The following OPCML variants were observed in gnomAD, a reference collection of about 807,000 sequenced individuals.
The protein encoded by OPCML is opioid binding protein/cell adhesion molecule like.
A neutral mutation model predicts 37.8 loss-of-function variants in OPCML; 13 were observed. That is an observed-to-expected ratio of 0.34 (90% CI 0.22 to 0.55). The LOEUF is 0.55. Among genes scored for constraint, OPCML ranks in the 20% least tolerant of loss-of-function variants. The pLI, the probability that OPCML is intolerant of heterozygous loss-of-function variation, is 0.91. For synonymous variants in OPCML, 176 were observed against 168.8 expected, an observed-to-expected ratio of 1.04 and a Z score of -0.33; for missense variants, 341 against 435.6, an observed-to-expected ratio of 0.78 and a Z score of 1.93.
chr11:133,445,726 C>T (rs1946461017), intron 1 of OPCML, among the ~76,000 whole-genome samples: 1 of 152,266 alleles, frequency 6.6e-6, no homozygotes, highest in South Asian at 2.1e-4. Context: ...AGAAAGTTGT[C>T]CTTGAACTGG....
chr11:132,992,585 T>C (rs1946802322), intron 1 of OPCML, among the ~76,000 whole-genome samples: 1 of 152,062 alleles, frequency 6.6e-6, no homozygotes, highest in Admixed American at 6.5e-5. Context: ...TATTCTTGTG[T>C]GTGTATCGGG....
intron 1 of OPCML, among the ~76,000 whole-genome samples, chr11:133,246,844 A>G (rs1940942796): frequency 6.6e-6 from 1 of 152,238 alleles, no homozygotes; most frequent in African/African-American, 2.4e-5. Flanking sequence ...AATGGTCAGT[A>G]GAAGACAAAT....
intron 3 of OPCML, among the ~76,000 whole-genome samples, chr11:132,541,765 C>T (rs1168761426): frequency 6.6e-6 from 1 of 152,144 alleles, no homozygotes; most frequent in Admixed American, 6.5e-5. Context: ...CTGCAGAACC[C>T]AAGGTTTCAG....
chr11:132,832,925 T>C (rs1940783056), intron 2 of OPCML, among the ~76,000 whole-genome samples: 1 of 125,946 alleles, frequency 7.9e-6, no homozygotes, highest in Non-Finnish European at 1.9e-5. Context: ...GATAAAAAGA[T>C]TTTTTTTTAA....
At chr11:132,898,895 T>C (rs1050766701) in intron 2 of OPCML, among the ~76,000 whole-genome samples, 1 of 147,778 alleles carries the variant, frequency 6.8e-6, no homozygotes, top group African/African-American at 2.6e-5. Context: ...CAACTGGCTA[T>C]GTTATGGTGC....
At chr11:133,492,804 C>A (rs1226214203) in intron 1 of OPCML, among the ~76,000 whole-genome samples, 1 of 151,408 alleles carries the variant, frequency 6.6e-6, no homozygotes, top group Non-Finnish European at 1.5e-5. Context: ...CTAATGGAAA[C>A]TTGAGGGAAT....
At chr11:132,904,331 T>G (rs1944161857) in intron 2 of OPCML, among the ~76,000 whole-genome samples, 1 of 152,186 alleles carries the variant, frequency 6.6e-6, no homozygotes, top group African/African-American at 2.4e-5. Flanking sequence ...ACTTCCTCAC[T>G]CCAACAAATT....
chr11:133,117,255 A>T (rs192750972), intron 1 of OPCML, among the ~76,000 whole-genome samples: 2 of 152,234 alleles, frequency 1.3e-5, no homozygotes, highest in Non-Finnish European at 2.9e-5. Context: ...CATCCTGCAG[A>T]CCCTAGATCC....
rs115989680 is a variant in OPCML at position 133,023,616 on chromosome 11, C to T, written c.62-80606G>A. On this transcript the variant is annotated intron_variant, in intron 1 of 7. Transcript: ENST00000524381. The stretch of plus-strand genomic sequence containing the variant: ...TGGAGCTGACTACTCAGGGACTTCT[C>T]ATAATTCTACGCAACAGTCAATATT... Among the ~76,000 whole-genome samples, 480 of 152,296 alleles carry T rather than the reference C, an allele frequency of 3.2e-3. 2 individuals are homozygous for T. The highest frequency in any genetic ancestry group is 0.011 in the African/African-American group (439 of 41,562).
intron 1 of OPCML, among the ~76,000 whole-genome samples, chr11:133,246,158 G>A (rs557913793): frequency 6.6e-6 from 1 of 152,288 alleles, no homozygotes; most frequent in South Asian, 2.1e-4. Context: ...GGTGGGAAAG[G>A]AGCCCACTTG....
At chr11:133,445,719 A>T (rs1280262937) in intron 1 of OPCML, among the ~76,000 whole-genome samples, 1 of 152,200 alleles carries the variant, frequency 6.6e-6, no homozygotes, top group African/African-American at 2.4e-5. Flanking sequence ...TTGGCTAAGA[A>T]AGTTGTCCTT....
intron 2 of OPCML, among the ~76,000 whole-genome samples, chr11:132,896,651 A>T (rs1156621432): frequency 6.6e-6 from 1 of 152,228 alleles, no homozygotes; most frequent in African/African-American, 2.4e-5. Context: ...TTTATGTCAC[A>T]ATCCAGTTTG....
chr11:133,242,343 T>C (rs1423974906), intron 1 of OPCML, among the ~76,000 whole-genome samples: 1 of 152,176 alleles, frequency 6.6e-6, no homozygotes, highest in Admixed American at 6.5e-5. Context: ...GTGCCCTGAT[T>C]TGCACACAGG....
chr11:132,932,680 T>TTATATATATATTATATA (rs1555054536), intron 2 of OPCML, among the ~76,000 whole-genome samples: 1 of 128,758 alleles, frequency 7.8e-6, no homozygotes, highest in Admixed American at 7.6e-5. Flanking sequence ...GTGAATTCAG[T>TTATATATATATTATATA]TATATATATA....
intron 1 of OPCML, among the ~76,000 whole-genome samples, chr11:133,105,135 A>C (rs1220836008): frequency 6.6e-6 from 1 of 152,210 alleles, no homozygotes; most frequent in Non-Finnish European, 1.5e-5. Flanking sequence ...TGTTCAATAA[A>C]CTTTACGCTT....
chr11:132,849,921 A>C (rs777913888), intron 2 of OPCML, among the ~76,000 whole-genome samples: 1 of 152,180 alleles, frequency 6.6e-6, no homozygotes, highest in Non-Finnish European at 1.5e-5. Context: ...ATGGATCTCT[A>C]AGTTCTTTGC....
intron 1 of OPCML, among the ~76,000 whole-genome samples, chr11:133,412,440 T>A (rs1945670556): frequency 6.6e-6 from 1 of 152,178 alleles, no homozygotes; most frequent in Non-Finnish European, 1.5e-5. Context: ...AAGGTCAGTT[T>A]CCTGGGTGCA....
intron 2 of OPCML, among the ~76,000 whole-genome samples, chr11:132,774,312 A>C (rs1946742007): frequency 6.6e-6 from 1 of 152,224 alleles, no homozygotes; most frequent in Non-Finnish European, 1.5e-5. Context: ...CTATTAATTT[A>C]TTGCTAATGC....
At chr11:132,581,074 A>G (rs184269082) in intron 3 of OPCML, among the ~76,000 whole-genome samples, 101 of 152,232 alleles carry the variant, frequency 6.6e-4, no homozygotes, top group Admixed American at 1.6e-3. Context: ...TTTAAAAGGA[A>G]GAGGTCTTTA....
Sources: allele counts gnomAD v4.1 joint callset (sites outside exome capture counted in the v4.1 genomes callset), GRCh38; gene constraint gnomAD v4.1.1; transcripts MANE v1.5; gene names NCBI Gene and HGNC (gene_info 2026-07-23, HGNC 2026-07-21).